CSTF3: variants seen among roughly 807,000 people sequenced by gnomAD.
The protein encoded by CSTF3 is cleavage stimulation factor subunit 3.
CSTF3 carries 29 observed loss-of-function variants against 105.8 expected under a neutral mutation model. That is an observed-to-expected ratio of 0.27 (90% CI 0.20 to 0.37). CSTF3 has a LOEUF of 0.37. CSTF3 is among the 10% of genes least tolerant of loss of function. The pLI is 1.00. For synonymous variants in CSTF3, 252 were observed against 281.9 expected, an observed-to-expected ratio of 0.89 and a Z score of 1.06; for missense variants, 357 against 879.3, an observed-to-expected ratio of 0.41 and a Z score of 7.51.
intron 16 of CSTF3, 81 bp downstream of exon 16, chr11:33,092,190 C>A: frequency 1.1e-6 from 1 of 900,142 alleles, no homozygotes; most frequent in Non-Finnish European, 1.6e-6. Flanking sequence ...CATACTCAAG[C>A]AAACATTCAC....
chr11:33,137,199 A>C (rs1438932927), intron 3 of CSTF3, among the ~76,000 whole-genome samples: 1 of 151,870 alleles, frequency 6.6e-6, no homozygotes, highest in Non-Finnish European at 1.5e-5. Flanking sequence ...TATAAAGCTG[A>C]GAAATACATA....
chr11:33,139,113 T>A (rs1271259262), intron 3 of CSTF3, among the ~76,000 whole-genome samples: 7 of 151,952 alleles, frequency 4.6e-5, no homozygotes, highest in African/African-American at 1.7e-4. Context: ...TGCTCTCATT[T>A]CCAACTGATG....
chr11:33,145,030 G>C (rs370024726), intron 1 of CSTF3: 1 of 151,356 alleles, frequency 6.6e-6, no homozygotes, highest in Non-Finnish European at 1.5e-5. Flanking sequence ...TAAAATTTGC[G>C]CATGAGAAAA....
intron 3 of CSTF3, among the ~76,000 whole-genome samples, chr11:33,131,719 G>C (rs1855601714): frequency 6.6e-6 from 1 of 152,052 alleles, no homozygotes; most frequent in African/African-American, 2.4e-5. Context: ...GGGAGTGGTG[G>C]CGGGCGCCTG....
chr11:33,152,313 G>T (rs1849795259), intron 1 of CSTF3, among the ~76,000 whole-genome samples: 1 of 152,170 alleles, frequency 6.6e-6, no homozygotes, highest in African/African-American at 2.4e-5. Context: ...TTACTTTTTA[G>T]AGGTATAGTT....
intron 5 of CSTF3, among the ~76,000 whole-genome samples, chr11:33,106,715 T>G (rs1278818248): frequency 6.6e-6 from 1 of 152,202 alleles, no homozygotes; most frequent in East Asian, 1.9e-4. Context: ...GTCAAGATCA[T>G]AAATTGTTTC....
chr11:33,100,935 T>C (rs937320726), intron 10 of CSTF3, among the ~76,000 whole-genome samples: 21 of 152,184 alleles, frequency 1.4e-4, no homozygotes, highest in African/African-American at 4.3e-4. Flanking sequence ...GACAGAGTAG[T>C]TTGTATCAGA....
intron 17 of CSTF3, among the ~76,000 whole-genome samples, chr11:33,088,289 CTT>C (rs951194279): frequency 1.6e-4 from 23 of 140,946 alleles, no homozygotes; most frequent in Non-Finnish European, 1.7e-4. Flanking sequence ...TACTTACTCT[CTT>C]TTTTTTTTTT....
At chr11:33,131,494 T>C (rs1855598286) in intron 3 of CSTF3, among the ~76,000 whole-genome samples, 1 of 152,208 alleles carries the variant, frequency 6.6e-6, no homozygotes, top group African/African-American at 2.4e-5. Context: ...GTTCGTATAA[T>C]GGCTAGTGAC....
chr11:33,088,680 A>G lies in CSTF3; in HGVS notation c.1642-1539T>C, dbSNP rs181136924. Among the ~76,000 whole-genome samples the G allele has an allele frequency of 1.4e-3, 217 of 151,896 alleles. 2 individuals are homozygous for G. The highest frequency in any genetic ancestry group is 5.1e-3 in the African/African-American group (213 of 41,422). ...CAGTCAGGAGTGCAGTGGCTTGATC[A>G]CGGCTCACTAAAGTAGGCTCAGCTT... On this transcript the variant is annotated intron_variant, in intron 17 of 20. Coordinates refer to ENST00000323959, the MANE Select transcript of CSTF3 (RefSeq NM_001326.3).
intron 17 of CSTF3, among the ~76,000 whole-genome samples, chr11:33,087,778 C>T (rs1414947460): frequency 6.6e-6 from 1 of 152,198 alleles, no homozygotes; most frequent in Non-Finnish European, 1.5e-5. Flanking sequence ...TCCCAGGTCA[C>T]ACAGCTAATA....
intron 1 of CSTF3, among the ~76,000 whole-genome samples, chr11:33,146,674 G>A (rs1855787612): frequency 6.7e-6 from 1 of 150,204 alleles, no homozygotes; most frequent in Non-Finnish European, 1.5e-5. Context: ...AAAAAGTGAT[G>A]GTGAGCAGGG....
At chr11:33,114,522 A>G (rs1298106924) in intron 3 of CSTF3, among the ~76,000 whole-genome samples, 1 of 152,182 alleles carries the variant, frequency 6.6e-6, no homozygotes, top group Non-Finnish European at 1.5e-5. Flanking sequence ...CACCAGTTAT[A>G]AGAATCATTA....
intron 1 of CSTF3, among the ~76,000 whole-genome samples, chr11:33,154,802 A>T (rs1370996000): frequency 6.6e-6 from 1 of 152,006 alleles, no homozygotes; most frequent in African/African-American, 2.4e-5. Flanking sequence ...CCGTGCTGAG[A>T]CTTTCATAGA....
At chr11:33,145,638 C>T (rs1037785969) in intron 1 of CSTF3, among the ~76,000 whole-genome samples, 2 of 151,912 alleles carry the variant, frequency 1.3e-5, no homozygotes, top group East Asian at 3.9e-4. Context: ...AGGGTGAAAC[C>T]CCATCTCCAC....
intron 16 of CSTF3, 24 bp from the exon 17 acceptor site, chr11:33,090,751 A>G (rs1855160826): frequency 2.0e-6 from 3 of 1,470,216 alleles, no homozygotes; most frequent in African/African-American, 1.4e-5. Context: ...AATACAATCA[A>G]TACTTTAATT....
At position 33,113,243 on chromosome 11, in the gene CSTF3, AAATG is replaced by A. The variant is rs56003218; in HGVS notation, c.226-4829_226-4826del. Among the ~76,000 whole-genome samples, 705 of 145,972 alleles carry A rather than the reference AAATG, an allele frequency of 4.8e-3. 4 individuals carry two copies. Among genetic ancestry groups the A allele is most frequent in the Non-Finnish European group, 7.8e-3 (504 of 64,724 alleles). ...TAAATAAATAAATAAATAAATAAAT[AAATG>A]AATAAGACCATTATATGCATACAAA... On this transcript the variant is annotated intron_variant, in intron 3 of 20. Coordinates refer to ENST00000323959, the MANE Select transcript of CSTF3 (RefSeq NM_001326.3).
chr11:33,147,378 C>T (rs534968282), intron 1 of CSTF3, among the ~76,000 whole-genome samples: 4 of 151,250 alleles, frequency 2.6e-5, no homozygotes, highest in East Asian at 2.0e-4. Flanking sequence ...GGGCAGATCA[C>T]GAGGTCAGGA....
At chr11:33,144,290 T>G (rs1855752161) in intron 1 of CSTF3, among the ~76,000 whole-genome samples, 1 of 152,200 alleles carries the variant, frequency 6.6e-6, no homozygotes, top group African/African-American at 2.4e-5. Flanking sequence ...AAGCATTTAC[T>G]TATTTAGAAA....
Sources: allele counts gnomAD v4.1 joint callset (sites outside exome capture counted in the v4.1 genomes callset), GRCh38; gene constraint gnomAD v4.1.1; transcripts MANE v1.5; gene names NCBI Gene and HGNC (gene_info 2026-07-23, HGNC 2026-07-21).